SSH2: variants seen among roughly 807,000 people sequenced by gnomAD.
SSH2 encodes protein phosphatase Slingshot homolog 2.
A neutral mutation model predicts 135.2 loss-of-function variants in SSH2; 37 were observed. The observed-to-expected ratio is 0.27, with a 90% CI of 0.21 to 0.36. SSH2 has a LOEUF of 0.36. Among genes scored for constraint, SSH2 ranks in the 10% least tolerant of loss-of-function variants. The probability of loss-of-function intolerance (pLI) is 1.00; values close to 1 mark genes in which losing one functional copy is unlikely to be tolerated. For missense variants in SSH2, 1,408 were observed against 1,765.3 expected (o/e 0.80, Z 3.63); for synonymous variants, 628 against 646.2 (o/e 0.97, Z 0.43).
intron 3 of SSH2, among the ~76,000 whole-genome samples, chr17:29,750,591 T>G (rs1222762700): frequency 6.6e-6 from 1 of 151,890 alleles, no homozygotes; most frequent in Non-Finnish European, 1.5e-5. Context: ...GGCACAATCA[T>G]GGCTCACTGC....
chr17:29,659,544 A>G (rs1208303662), intron 11 of SSH2, among the ~76,000 whole-genome samples: 2 of 152,126 alleles, frequency 1.3e-5, no homozygotes, highest in African/African-American at 4.8e-5. Context: ...TTTATTTTTG[A>G]GACGAGACTT....
chr17:29,635,497 T>A (rs568713334), intron 15 of SSH2, among the ~76,000 whole-genome samples: 1 of 152,068 alleles, frequency 6.6e-6, no homozygotes, highest in African/African-American at 2.4e-5. Context: ...CTCCGCCTCC[T>A]GGGTTCACAC....
rs146119001 is a variant in SSH2, at chr17:29,907,053, C to T, written c.63+22885G>A. ...TATAAGTCATTCTGTTATAAAGATA[C>T]ATGCACACGTATGTTGACTGCAGCA... is the stretch of plus-strand genomic sequence containing the variant. On this transcript the variant is annotated intron_variant, in intron 1 of 15. Coordinates refer to ENST00000540801, the MANE Select transcript of SSH2 (RefSeq NM_001282129.2). Among the ~76,000 whole-genome samples the T allele has an allele frequency of 2.0e-4, 31 of 152,256 alleles. No homozygotes were observed. In the East Asian group the frequency reaches 5.2e-3, roughly 26 times the overall value.
intron 1 of SSH2, among the ~76,000 whole-genome samples, chr17:29,884,574 T>C (rs1181194391): frequency 1.3e-5 from 2 of 152,210 alleles, no homozygotes; most frequent in African/African-American, 4.8e-5. Flanking sequence ...TGCTAACATA[T>C]TCCACAGGAT....
intron 2 of SSH2, among the ~76,000 whole-genome samples, chr17:29,846,034 T>G (rs2043127846): frequency 7.2e-6 from 1 of 139,054 alleles, no homozygotes. Flanking sequence ...CACTGCAAAC[T>G]GAACAATTTT....
rs1282667122 is a variant in SSH2 at position 29,922,183 on chromosome 17, T to C, written c.63+7755A>G. On this transcript the variant is annotated intron_variant, in intron 1 of 15. Transcript: ENST00000540801. ...CTAAAGACCAAAGGGAGCATGGGCA[T>C]GTCAGCTTAACTGTGAGCAGTGTGC... Among the ~76,000 whole-genome samples, 3 of 152,172 alleles carry C rather than the reference T, an allele frequency of 2.0e-5. No homozygotes were observed. The East Asian group carries it at 5.8e-4, about 29-fold the overall frequency.
chr17:29,717,743 C>T (rs1257179042), intron 3 of SSH2, among the ~76,000 whole-genome samples: 1 of 152,052 alleles, frequency 6.6e-6, no homozygotes, highest in African/African-American at 2.4e-5. Flanking sequence ...ACATTAAAGG[C>T]AGTGGGGGGA....
In SSH2 at chr17:29,883,859, T is replaced by A. The variant is rs567637501; in HGVS notation, c.64-34930A>T. ...CAGAAACATTTTCAAGTCTACTGCA[T>A]ACTTTAAAAACAAGAAAAATATTTG... On this transcript the variant is annotated intron_variant, in intron 1 of 15. Coordinates refer to ENST00000540801, the MANE Select transcript of SSH2 (RefSeq NM_001282129.2). 5.4e-4 allele frequency among the ~76,000 whole-genome samples: 82 copies of A among 152,314 alleles called. 1 individual carries two copies. The South Asian group carries it at 0.012, about 22-fold the overall frequency.
chr17:29,908,622 G>C (rs2066700031), intron 1 of SSH2, among the ~76,000 whole-genome samples: 2 of 151,794 alleles, frequency 1.3e-5, no homozygotes, highest in South Asian at 4.2e-4. Context: ...AAATTAGCTG[G>C]GCATGGTGAT....
At chr17:29,650,018 CA>C (rs536734204) in intron 13 of SSH2, among the ~76,000 whole-genome samples, 110 of 152,296 alleles carry the variant, frequency 7.2e-4, no homozygotes, top group African/African-American at 2.6e-3. Context: ...ATGTGGCAAA[CA>C]AGCTCGTTTA....
chr17:29,885,348 T>TAAAAAAAAAAAAA (rs72403205), intron 1 of SSH2, among the ~76,000 whole-genome samples: 2 of 127,114 alleles, frequency 1.6e-5, no homozygotes, highest in Non-Finnish European at 1.6e-5. Context: ...TATTGTATCA[T>TAAAAAAAAAAAAA]AAAAAAAAAA....
At chr17:29,714,788 G>A (rs2151154426) in intron 3 of SSH2, among the ~76,000 whole-genome samples, 1 of 152,150 alleles carries the variant, frequency 6.6e-6, no homozygotes, top group East Asian at 1.9e-4. Flanking sequence ...CCCTCTCCTT[G>A]TAATTCCCAT....
intron 3 of SSH2, among the ~76,000 whole-genome samples, chr17:29,709,015 T>TAGAGAGAGAGAG (rs58190730): frequency 8.2e-4 from 67 of 81,582 alleles, no homozygotes; most frequent in East Asian, 2.3e-3. Context: ...TATATATATA[T>TAGAGAGAGAGAG]AGAGAGAGAG....
At chr17:29,702,836 T>C in intron 4 of SSH2, 123 bp downstream of exon 4, 1 of 818,868 alleles carries the variant, frequency 1.2e-6, no homozygotes, top group Non-Finnish European at 2.0e-6. Flanking sequence ...ATTACGGCCC[T>C]GTACAATGCT....
At chr17:29,925,193 T>C (rs2067041870) in intron 1 of SSH2, 4 of 193,732 alleles carry the variant, frequency 2.1e-5, no homozygotes. Context: ...CTGAAAAGTA[T>C]AGGGCACTAC....
intron 13 of SSH2, among the ~76,000 whole-genome samples, chr17:29,649,090 G>A (rs1315684810): frequency 6.6e-6 from 1 of 151,650 alleles, no homozygotes; most frequent in South Asian, 2.1e-4. Context: ...GCAGTGAGCC[G>A]AGATGGCACC....
chr17:29,762,385 T>TA (rs1275611132), intron 3 of SSH2, among the ~76,000 whole-genome samples: 1 of 152,162 alleles, frequency 6.6e-6, no homozygotes, highest in Non-Finnish European at 1.5e-5. Context: ...TGCACCTTAA[T>TA]AAAATTGGAA....
chr17:29,761,843 ATGTGTG>A (rs752691137), intron 3 of SSH2, among the ~76,000 whole-genome samples: 16 of 142,542 alleles, frequency 1.1e-4, no homozygotes, highest in African/African-American at 2.4e-4. Flanking sequence ...TCACATACAT[ATGTGTG>A]TGTGTGTGTG....
At chr17:29,746,978 A>G (rs772240169) in intron 3 of SSH2, among the ~76,000 whole-genome samples, 3 of 152,242 alleles carry the variant, frequency 2.0e-5, no homozygotes, top group Non-Finnish European at 1.5e-5. Context: ...GACAATCAAT[A>G]TAAAGTCCAC....
Sources: allele counts gnomAD v4.1 joint callset (sites outside exome capture counted in the v4.1 genomes callset), GRCh38; gene constraint gnomAD v4.1.1; transcripts MANE v1.5; gene names NCBI Gene and HGNC (gene_info 2026-07-23, HGNC 2026-07-21).